Variants in SHANK2 observed in about 807,000 individuals in gnomAD.
The protein encoded by SHANK2 is SH3 and multiple ankyrin repeat domains 2.
In SHANK2, 43 loss-of-function variants were observed where a neutral mutation model predicts 133.7. That is an observed-to-expected ratio of 0.32 (90% CI 0.25 to 0.41). SHANK2 has a LOEUF of 0.41. Among genes scored for constraint, SHANK2 ranks in the 10% least tolerant of loss-of-function variants. The pLI, the probability that SHANK2 is intolerant of heterozygous loss-of-function variation, is 1.00. For synonymous variants in SHANK2, 1,017 were observed against 952.8 expected (o/e 1.07, Z -1.24); for missense variants, 1,994 against 2,235.8 (o/e 0.89, Z 2.18).
chr11:70,928,787 G>A (rs1016171528), intron 10 of SHANK2, among the ~76,000 whole-genome samples: 11 of 152,138 alleles, frequency 7.2e-5, no homozygotes, highest in Admixed American at 2.0e-4. Flanking sequence ...ACCTACGACC[G>A]TGAACCCGGA....
rs1948197369 is a variant in SHANK2 at position 71,252,225 on chromosome 11, ACC to A, written c.-113+198_-113+199del. ...GGGAAGGGCTCTCTACGGAAAATCG[ACC>A]CCCACCTGGACACGCGGCTCACTCC... On this transcript the variant is annotated intron_variant, in intron 1 of 25. Transcript: ENST00000601538. This position sits in a 1 kb window ranked among gnomAD's most constrained non-coding sequence, Gnocchi z 6.3. Among the ~76,000 whole-genome samples the A allele has an allele frequency of 6.6e-6, 1 of 150,634 alleles. No homozygotes were observed. The highest frequency in any genetic ancestry group is 2.1e-4 in the South Asian group (1 of 4,758).
At chr11:70,837,134 G>A (rs910959770) in intron 11 of SHANK2, among the ~76,000 whole-genome samples, 12 of 152,178 alleles carry the variant, frequency 7.9e-5, no homozygotes, top group South Asian at 2.1e-4. Flanking sequence ...TGTTTCTGTC[G>A]CTTAAGCCAC....
chr11:70,623,994 G>A (rs781817604), intron 17 of SHANK2, among the ~76,000 whole-genome samples: 2 of 152,150 alleles, frequency 1.3e-5, no homozygotes, highest in Non-Finnish European at 2.9e-5. Context: ...CTAAGGGTGC[G>A]CCCAGAGCTG....
At chr11:70,697,891 T>C (rs1225864059) in intron 15 of SHANK2, among the ~76,000 whole-genome samples, 1 of 152,040 alleles carries the variant, frequency 6.6e-6, no homozygotes, top group Non-Finnish European at 1.5e-5. Flanking sequence ...TGCACCTCCT[T>C]CTCTTTTCTA....
intron 9 of SHANK2, among the ~76,000 whole-genome samples, chr11:71,074,482 C>T (rs1438118545): frequency 1.3e-5 from 2 of 152,070 alleles, no homozygotes; most frequent in Admixed American, 6.6e-5. Flanking sequence ...TGGGGCTTTA[C>T]GTGTTTTTTT....
chr11:71,154,855 AC>A (rs1474129820), intron 2 of SHANK2, among the ~76,000 whole-genome samples: 7 of 70,856 alleles, frequency 9.9e-5, no homozygotes, highest in Non-Finnish European at 7.9e-5. Context: ...GGATGGACCT[AC>A]CCCCGCCCAC....
At position 70,790,889 on chromosome 11, in the gene SHANK2, C is replaced by T. The variant is rs1041739191; in HGVS notation, c.1777+7554G>A. The stretch of plus-strand genomic sequence containing the variant: ...GCCAGAGCCTCACACAAGAGGGCAG[C>T]GTTTCTCCATTCTCTCTCCCCGTCT... On this transcript the variant is annotated intron_variant, in intron 14 of 25. Transcript: ENST00000601538. Among the ~76,000 whole-genome samples the T allele has an allele frequency of 4.6e-5, 7 of 152,242 alleles. No homozygotes were observed. The South Asian group carries it at 1.2e-3, about 27-fold the overall frequency.
intron 17 of SHANK2, among the ~76,000 whole-genome samples, chr11:70,598,700 A>T (rs1297521835): frequency 6.6e-6 from 1 of 152,238 alleles, no homozygotes; most frequent in Admixed American, 6.5e-5. Flanking sequence ...TTGGCAACAT[A>T]TTAAAAAGAT....
intron 11 of SHANK2, among the ~76,000 whole-genome samples, chr11:70,853,735 C>T (rs1555066320): frequency 6.6e-6 from 1 of 152,194 alleles, no homozygotes; most frequent in Non-Finnish European, 1.5e-5. Context: ...TTCATTCTCT[C>T]ACAATCTTAG....
intron 11 of SHANK2, among the ~76,000 whole-genome samples, chr11:70,891,252 C>T (rs71469409): frequency 2.0e-5 from 3 of 152,002 alleles, no homozygotes; most frequent in Non-Finnish European, 4.4e-5. Context: ...CGGTGGCTCA[C>T]GCCTGTAATC....
chr11:71,067,968 TCAC>T (rs1250502873), intron 9 of SHANK2, among the ~76,000 whole-genome samples: 8 of 151,134 alleles, frequency 5.3e-5, no homozygotes, highest in Admixed American at 1.3e-4. Context: ...ACCACCATCC[TCAC>T]CACCATCATC....
intron 11 of SHANK2, among the ~76,000 whole-genome samples, chr11:70,847,777 C>A (rs1949018053): frequency 6.6e-6 from 1 of 152,208 alleles, no homozygotes; most frequent in Admixed American, 6.5e-5. Flanking sequence ...GTGCCCCCAC[C>A]CACCCAGTCC....
At chr11:70,817,831 T>A (rs938850093) in intron 12 of SHANK2, among the ~76,000 whole-genome samples, 8 of 152,170 alleles carry the variant, frequency 5.3e-5, no homozygotes, top group Non-Finnish European at 1.2e-4. Context: ...GCCTCCCAGG[T>A]TAGAGCGATT....
chr11:70,920,147 A>G (rs1950329707), intron 10 of SHANK2, among the ~76,000 whole-genome samples: 3 of 152,278 alleles, frequency 2.0e-5, no homozygotes, highest in Admixed American at 1.3e-4. Context: ...TAGTGCATAC[A>G]GCATAATTAT....
At chr11:70,655,499 G>A (rs1555011344) in intron 17 of SHANK2, among the ~76,000 whole-genome samples, 1 of 152,192 alleles carries the variant, frequency 6.6e-6, no homozygotes, top group Admixed American at 6.5e-5. Context: ...AGGGTTAAGC[G>A]GAGCACTGCA....
At chr11:71,223,393 G>A (rs897546646) in intron 2 of SHANK2, among the ~76,000 whole-genome samples, 7 of 152,172 alleles carry the variant, frequency 4.6e-5, no homozygotes, top group Admixed American at 2.0e-4. Context: ...CCAACCATGC[G>A]CACATTGGAA....
chr11:70,659,783 C>T (rs1356568738), intron 17 of SHANK2, 45 bp downstream of exon 17: 26 of 1,612,962 alleles, frequency 1.6e-5, no homozygotes, highest in Non-Finnish European at 2.1e-5. Context: ...CCCCGAGAGT[C>T]GGCGCTCTCC....
At chr11:70,948,479 A>G (rs1341364250) in intron 10 of SHANK2, 7 of 428,738 alleles carry the variant, frequency 1.6e-5, no homozygotes, top group Non-Finnish European at 2.9e-5. Flanking sequence ...TGGGTTACCC[A>G]GGTTTCTACG....
At chr11:71,087,151 T>G (rs944063908) in intron 8 of SHANK2, among the ~76,000 whole-genome samples, 5 of 152,178 alleles carry the variant, frequency 3.3e-5, no homozygotes, top group Non-Finnish European at 1.5e-5. Context: ...AGGCTCTGAA[T>G]GCAAAGCGCA....
Sources: allele counts gnomAD v4.1 joint callset (sites outside exome capture counted in the v4.1 genomes callset), GRCh38; gene constraint gnomAD v4.1.1; non-coding constraint Gnocchi (gnomAD v3.1); transcripts MANE v1.5; gene names NCBI Gene and HGNC (gene_info 2026-07-23, HGNC 2026-07-21).